The following SIX1 variants were observed in gnomAD, a reference collection of about 807,000 sequenced individuals.
SIX1 encodes the protein SIX homeobox 1.
In SIX1, 11 loss-of-function variants were observed where a neutral mutation model predicts 26.5. The observed-to-expected ratio is 0.41, with a 90% CI of 0.26 to 0.69. SIX1 has a LOEUF of 0.69. Ranked by LOEUF, SIX1 falls within the 30% of genes least tolerant of loss-of-function variation. SIX1 has a pLI of 0.28. For missense variants in SIX1, 333 were observed against 365.9 expected, an observed-to-expected ratio of 0.91 and a Z score of 0.73; for synonymous variants, 177 against 166.2, an observed-to-expected ratio of 1.06 and a Z score of -0.50.
Position 60,648,620 on chromosome 14 carries a change from C to T in SIX1, c.560+10G>A. ...AGGGTCGCCCGAGTCGCGGGAAGCA[C>T]GCCGCGTACCTTTCCTTGGCCTCCG... is the stretch of plus-strand genomic sequence containing the variant. On this transcript the variant is annotated intron_variant, in intron 1 of 1. Coordinates refer to ENST00000645694, the MANE Select transcript of SIX1 (RefSeq NM_005982.4). The surrounding 1 kb of genome is among the most constrained non-coding windows in gnomAD (Gnocchi z 7.9). 1 of 1,606,632 alleles carries T rather than the reference C, an allele frequency of 6.2e-7. No individual in the cohort carries two copies. The highest frequency in any genetic ancestry group is 1.3e-5 in the African/African-American group (1 of 74,744).
Position 60,648,570 on chromosome 14 carries a change from G to A in SIX1, c.560+60C>T, listed in dbSNP as rs1894995276. The A allele has an allele frequency of 6.6e-7, 1 of 1,510,552 alleles. No homozygotes were observed. The highest frequency in any genetic ancestry group is 9.0e-7 in the Non-Finnish European group (1 of 1,112,246). 93.6% of individuals were successfully genotyped at this position (1,510,552 alleles called of 1,614,324 possible). ...GCTGGTGCCTGCGGGGGCGGGAGGGGGCGGAGGAGAAAGGACGGCTTCCTA... is the reference window on the plus strand; with the variant it reads ...GCTGGTGCCTGCGGGGGCGGGAGGGAGCGGAGGAGAAAGGACGGCTTCCTA... On this transcript the variant is annotated intron_variant, in intron 1 of 1. Transcript: ENST00000645694. This position sits in a 1 kb window ranked among gnomAD's most constrained non-coding sequence, Gnocchi z 7.9.
chr14:60,647,553 C>T lies in SIX1; in HGVS notation c.561-976G>A, dbSNP rs1240784119. ...TCTGTCTCCTTTCTTTCCCCTTATC[C>T]TCACAGTCTCTGTCTCCCGACAAGC... On this transcript the variant is annotated intron_variant, in intron 1 of 1. Transcript: ENST00000645694. This position sits in a 1 kb window ranked among gnomAD's most constrained non-coding sequence, Gnocchi z 5.1. Among the ~76,000 whole-genome samples the T allele has an allele frequency of 6.6e-6, 1 of 152,216 alleles. No individual in the cohort carries two copies. The highest frequency in any genetic ancestry group is 1.5e-5 in the Non-Finnish European group (1 of 68,036).
chr14:60,645,781 G>A lies in SIX1; in HGVS notation c.*502C>T, dbSNP rs1189941638. The A allele has an allele frequency of 6.6e-6, 1 of 152,308 alleles. No homozygotes were observed. Among genetic ancestry groups the A allele is most frequent in the Non-Finnish European group, 1.5e-5 (1 of 68,220 alleles). 9.4% of individuals were successfully genotyped at this position (152,308 alleles called of 1,614,324 possible). A position where few individuals can be genotyped will look rare whatever the true frequency, so the allele number is the denominator to read the frequency against. ...TATTTTTCCTGTTCACCTTAAGAAT[G>A]TAATCAGTTCTTCTGAGCCTGGAGG... On this transcript the variant is annotated 3_prime_UTR_variant, in exon 2 of 2. Transcript: ENST00000645694. The surrounding 1 kb of genome is among the most constrained non-coding windows in gnomAD (Gnocchi z 4.6).
In SIX1 at chr14:60,648,574, G is replaced by A. The variant is rs570495150; in HGVS notation, c.560+56C>T. 1.3e-6 allele frequency: 2 copies of A among 1,521,866 alleles called. No individual in the cohort carries two copies. The highest frequency in any genetic ancestry group is 2.4e-5 in the South Asian group (2 of 84,358). The allele number at this position is 1,521,866 out of a possible 1,614,324, so 94.3% of individuals were successfully genotyped here. ...GTGCCTGCGGGGGCGGGAGGGGGCG[G>A]AGGAGAAAGGACGGCTTCCTAGGGT... On this transcript the variant is annotated intron_variant, in intron 1 of 1. Coordinates refer to ENST00000645694, the MANE Select transcript of SIX1 (RefSeq NM_005982.4). This position sits in a 1 kb window ranked among gnomAD's most constrained non-coding sequence, Gnocchi z 7.9.
chr14:60,648,496 C>G lies in SIX1; in HGVS notation c.560+134G>C, dbSNP rs1894992681. Reference sequence around the variant, plus strand: ...CTTTCGCTGCAGCGCCGCGGAGGGCCTGCGCGCCGCCCCGTGGACGGGCTC... The same window carrying G: ...CTTTCGCTGCAGCGCCGCGGAGGGCGTGCGCGCCGCCCCGTGGACGGGCTC... On this transcript the variant is annotated intron_variant, in intron 1 of 1. Transcript: ENST00000645694. This position sits in a 1 kb window ranked among gnomAD's most constrained non-coding sequence, Gnocchi z 7.9. 1 of 813,582 alleles carries G rather than the reference C, an allele frequency of 1.2e-6. No individual in the cohort carries two copies. Among genetic ancestry groups the G allele is most frequent in the African/African-American group, 1.7e-5 (1 of 58,182 alleles). The allele number at this position is 813,582 out of a possible 1,614,324, so 50.4% of individuals were successfully genotyped here. A position where few individuals can be genotyped will look rare whatever the true frequency, so the allele number is the denominator to read the frequency against.
chr14:60,646,719 G>C (rs2140239751), intron 1 of SIX1, 142 bp from the exon 2 acceptor site: 1 of 743,944 alleles, frequency 1.3e-6, no homozygotes, highest in East Asian at 2.7e-5. Flanking sequence ...CCAAATGGAG[G>C]AGCTCTACCC....
chr14:60,649,324 C>A lies in SIX1; in HGVS notation c.-135G>T. 1 of 752,428 alleles carries A rather than the reference C, an allele frequency of 1.3e-6. No individual in the cohort carries two copies. The highest frequency in any genetic ancestry group is 1.8e-5 in the South Asian group (1 of 56,222). 46.6% of individuals were successfully genotyped at this position (752,428 alleles called of 1,614,324 possible). On this transcript the variant is annotated 5_prime_UTR_variant, in exon 1 of 2. Transcript: ENST00000645694. The surrounding 1 kb of genome is among the most constrained non-coding windows in gnomAD (Gnocchi z 5.1). Reference sequence around the variant, plus strand: ...CCTTAGGCTTTGCAAAGGCGAAAACCGGAGTCGGAACTTGGCGGTGGGCGG... The same window carrying A: ...CCTTAGGCTTTGCAAAGGCGAAAACAGGAGTCGGAACTTGGCGGTGGGCGG...
rs1301977859 is a variant in SIX1 at position 60,648,451 on chromosome 14, G to A, written c.560+179C>T. On this transcript the variant is annotated intron_variant, in intron 1 of 1. Coordinates refer to ENST00000645694, the MANE Select transcript of SIX1 (RefSeq NM_005982.4). This position sits in a 1 kb window ranked among gnomAD's most constrained non-coding sequence, Gnocchi z 7.9. Reference sequence around the variant, plus strand: ...GCAAATGAGGCCCCATCCTTAGCAAGGAACCTCAGAGTTCATGAACTTTCG... The same window carrying A: ...GCAAATGAGGCCCCATCCTTAGCAAAGAACCTCAGAGTTCATGAACTTTCG... Among the ~76,000 whole-genome samples, 2 of 152,224 alleles carry A rather than the reference G, an allele frequency of 1.3e-5. No individual in the cohort carries two copies. Among genetic ancestry groups the A allele is most frequent in the Non-Finnish European group, 2.9e-5 (2 of 68,038 alleles).
Position 60,645,667 on chromosome 14 carries a change from TC to T in SIX1, c.*615del, listed in dbSNP as rs1157411338. ...ACTTGTTTTTTCCTCCTAATACTGG[TC>T]TTTTATTTTAATCTACATTAAATTG... On this transcript the variant is annotated 3_prime_UTR_variant, in exon 2 of 2. Transcript: ENST00000645694. This position sits in a 1 kb window ranked among gnomAD's most constrained non-coding sequence, Gnocchi z 4.6. 6.6e-6 allele frequency: 1 copy of T among 152,172 alleles called. No individual in the cohort carries two copies. The highest frequency in any genetic ancestry group is 1.5e-5 in the Non-Finnish European group (1 of 68,040). The allele number at this position is 152,172 out of a possible 1,614,324, so 9.4% of individuals were successfully genotyped here. A position where few individuals can be genotyped will look rare whatever the true frequency, so the allele number is the denominator to read the frequency against.
chr14:60,648,093 G>A lies in SIX1; in HGVS notation c.560+537C>T, dbSNP rs905115166. On this transcript the variant is annotated intron_variant, in intron 1 of 1. Transcript: ENST00000645694. This position sits in a 1 kb window ranked among gnomAD's most constrained non-coding sequence, Gnocchi z 7.9. ...GTATCTTTAAAAGTCTCCTCCATTT[G>A]TCCAGCTAGTGAGAAATGAAGCAGG... Among the ~76,000 whole-genome samples the A allele has an allele frequency of 7.2e-5, 11 of 152,200 alleles. No homozygotes were observed. The highest frequency in any genetic ancestry group is 1.6e-4 in the Non-Finnish European group (11 of 68,038).
rs908352267 is a variant in SIX1, at chr14:60,645,574, A to G, written c.*709T>C. On this transcript the variant is annotated 3_prime_UTR_variant, in exon 2 of 2. Coordinates refer to ENST00000645694, the MANE Select transcript of SIX1 (RefSeq NM_005982.4). The surrounding 1 kb of genome is among the most constrained non-coding windows in gnomAD (Gnocchi z 4.6). Reference sequence around the variant, plus strand: ...CCAAAAAATCCCACTAAATTTGACAAAAATAGTTGCATTACTAATGGTCAC... The same window carrying G: ...CCAAAAAATCCCACTAAATTTGACAGAAATAGTTGCATTACTAATGGTCAC... 1.3e-5 allele frequency: 2 copies of G among 152,050 alleles called. No individual in the cohort carries two copies. The highest frequency in any genetic ancestry group is 4.8e-5 in the African/African-American group (2 of 41,426). 9.4% of individuals were successfully genotyped at this position (152,050 alleles called of 1,614,324 possible). A position where few individuals can be genotyped will look rare whatever the true frequency, so the allele number is the denominator to read the frequency against.
rs1458562356 is a variant in SIX1 at position 60,647,524 on chromosome 14, CCTGT to C, written c.561-951_561-948del. On this transcript the variant is annotated intron_variant, in intron 1 of 1. Coordinates refer to ENST00000645694, the MANE Select transcript of SIX1 (RefSeq NM_005982.4). This position sits in a 1 kb window ranked among gnomAD's most constrained non-coding sequence, Gnocchi z 5.1. ...TCGTCAGTCCTCCCGACTCCTAGCG[CCTGT>C]CTGTCTCCTTTCTTTCCCCTTATCC... Among the ~76,000 whole-genome samples, 1 of 152,214 alleles carries C rather than the reference CCTGT, an allele frequency of 6.6e-6. No homozygotes were observed. Among genetic ancestry groups the C allele is most frequent in the Non-Finnish European group, 1.5e-5 (1 of 68,032 alleles).
Position 60,648,762 on chromosome 14 carries a change from T to A in SIX1, c.428A>T (p.Tyr143Phe). The A allele has an allele frequency of 1.2e-6, 2 of 1,614,106 alleles. No individual in the cohort carries two copies. Among genetic ancestry groups the A allele is most frequent in the Non-Finnish European group, 1.7e-6 (2 of 1,179,976 alleles). The change falls in exon 1 of 2, where the codon TAC (tyrosine) becomes TTC (phenylalanine). Residue 143 changes from tyrosine to phenylalanine, a missense_variant. Physicochemically the swap from Tyr to Phe is conservative, Grantham distance 22. This residue lies in a region of SIX1 where 199 missense variants were observed against 215.2 expected (regional missense o/e 0.92). Coordinates refer to ENST00000645694, the MANE Select transcript of SIX1 (RefSeq NM_005982.4). The surrounding 1 kb of genome is among the most constrained non-coding windows in gnomAD (Gnocchi z 7.9). ...EKSRGVLREW[Y>F]AHNPYPSPRE... Reference sequence around the variant, plus strand: ...CGGCGATGGGTAGGGATTGTGCGCGTACCACTCCCGCAGGACACCCCTCGA... The same window carrying A: ...CGGCGATGGGTAGGGATTGTGCGCGAACCACTCCCGCAGGACACCCCTCGA...
chr14:60,643,451 A>G lies in SIX1; in HGVS notation c.*2832T>C, dbSNP rs1161128450. On this transcript the variant is annotated 3_prime_UTR_variant, in exon 2 of 2. Coordinates refer to ENST00000645694, the MANE Select transcript of SIX1 (RefSeq NM_005982.4). ...TTTTTTTTTCATTTCACTTGGCACA[A>G]TGCTGTATGGTTTCGTCCTACAAAC... 3 of 148,958 alleles carry G rather than the reference A, an allele frequency of 2.0e-5. No homozygotes were observed. The highest frequency in any genetic ancestry group is 7.4e-5 in the African/African-American group (3 of 40,418). 9.2% of individuals were successfully genotyped at this position (148,958 alleles called of 1,614,324 possible). A position where few individuals can be genotyped will look rare whatever the true frequency, so the allele number is the denominator to read the frequency against.
In SIX1 at chr14:60,646,190, C is replaced by A; in HGVS notation, c.*93G>T. On this transcript the variant is annotated 3_prime_UTR_variant, in exon 2 of 2. Coordinates refer to ENST00000645694, the MANE Select transcript of SIX1 (RefSeq NM_005982.4). ...CGCAAACAACTCCAGAAACAAGCTG[C>A]AAAAATGTTCCTGATTTCTATTTAC... 1 of 1,272,056 alleles carries A rather than the reference C, an allele frequency of 7.9e-7. No individual in the cohort carries two copies. The highest frequency in any genetic ancestry group is 1.4e-5 in the South Asian group (1 of 70,222). 78.8% of individuals were successfully genotyped at this position (1,272,056 alleles called of 1,614,324 possible).
At position 60,646,439 on chromosome 14, in the gene SIX1, C is replaced by G; in HGVS notation, c.699G>C (p.Leu233=). The change falls in exon 2 of 2, where the codon CTG becomes CTC. Residue 233 remains leucine, a synonymous_variant. Coordinates refer to ENST00000645694, the MANE Select transcript of SIX1 (RefSeq NM_005982.4). The part of the protein sequence containing the change: ...PQSPDQNSVL[L]LQGNMGHARS... ...TGGCGTGGCCCATATTGCCCTGCAG[C>G]AGAAGGACCGAGTTCTGGTCTGGAC... 6.2e-7 allele frequency: 1 copy of G among 1,613,966 alleles called. No individual in the cohort carries two copies.
Position 60,643,971 on chromosome 14 carries a change from C to T in SIX1, c.*2312G>A, listed in dbSNP as rs1048331417. On this transcript the variant is annotated 3_prime_UTR_variant, in exon 2 of 2. Transcript: ENST00000645694. ...TTCCAAGATTCACCAACTAAGGGAG[C>T]AGGAAGTGGGCCGGGGCGCCCTGCG... 1 of 152,178 alleles carries T rather than the reference C, an allele frequency of 6.6e-6. No individual in the cohort carries two copies. The highest frequency in any genetic ancestry group is 1.5e-5 in the Non-Finnish European group (1 of 68,046). 9.4% of individuals were successfully genotyped at this position (152,178 alleles called of 1,614,324 possible).
rs1371858261 is a variant in SIX1, at chr14:60,643,836, AAG to A, written c.*2445_*2446del. On this transcript the variant is annotated 3_prime_UTR_variant, in exon 2 of 2. Coordinates refer to ENST00000645694, the MANE Select transcript of SIX1 (RefSeq NM_005982.4). ...TGGATTTAGTGCCAGGGGTTTTACA[AAG>A]AGTTTATGACTGTGACAGAAAATTG... 1 of 152,208 alleles carries A rather than the reference AAG, an allele frequency of 6.6e-6. No homozygotes were observed. Among genetic ancestry groups the A allele is most frequent in the African/African-American group, 2.4e-5 (1 of 41,442 alleles). 9.4% of individuals were successfully genotyped at this position (152,208 alleles called of 1,614,324 possible).
At position 60,644,598 on chromosome 14, in the gene SIX1, T is replaced by G. The variant is rs984100389; in HGVS notation, c.*1685A>C. 1.3e-5 allele frequency: 2 copies of G among 152,144 alleles called. No individual in the cohort carries two copies. Among genetic ancestry groups the G allele is most frequent in the African/African-American group, 4.8e-5 (2 of 41,420 alleles). The allele number at this position is 152,144 out of a possible 1,614,324, so 9.4% of individuals were successfully genotyped here. ...AGAAATAATATATTAATGGTGACAATTATAGATGGGAAAAAATCAAAATTA... is the reference window on the plus strand; with the variant it reads ...AGAAATAATATATTAATGGTGACAAGTATAGATGGGAAAAAATCAAAATTA... On this transcript the variant is annotated 3_prime_UTR_variant, in exon 2 of 2. Coordinates refer to ENST00000645694, the MANE Select transcript of SIX1 (RefSeq NM_005982.4).
Sources: allele counts gnomAD v4.1 joint callset (sites outside exome capture counted in the v4.1 genomes callset), GRCh38; gene constraint gnomAD v4.1.1; regional missense constraint gnomAD v4.1.1; non-coding constraint Gnocchi (gnomAD v3.1); transcripts MANE v1.5; gene names NCBI Gene and HGNC (gene_info 2026-07-23, HGNC 2026-07-21).